The following HHAT variants were observed in gnomAD, a reference collection of about 807,000 sequenced individuals.
HHAT encodes protein-cysteine N-palmitoyltransferase HHAT.
In HHAT, 47 loss-of-function variants were observed where a neutral mutation model predicts 70.8. That is an observed-to-expected ratio of 0.66 (90% CI 0.53 to 0.85). HHAT has a LOEUF of 0.85. HHAT is among the 40% of genes least tolerant of loss of function. The pLI is 0.00. For missense variants in HHAT, 609 were observed against 604.8 expected (o/e 1.01, Z -0.07); for synonymous variants, 228 against 247.6 (o/e 0.92, Z 0.74).
chr1:210,492,902 C>A (rs1234651560), intron 8 of HHAT, among the ~76,000 whole-genome samples: 2 of 152,050 alleles, frequency 1.3e-5, no homozygotes, highest in African/African-American at 2.4e-5. Flanking sequence ...GTTCAGATGC[C>A]AAATGTCTTA....
intron 4 of HHAT, among the ~76,000 whole-genome samples, chr1:210,397,556 ATT>A (rs5780574): frequency 0.13 from 19,495 of 149,298 alleles, 1,393 homozygotes; most frequent in Non-Finnish European, 0.17. Flanking sequence ...ATGCAACACA[ATT>A]TTTTTTTTTT....
intron 1 of HHAT, chr1:210,329,395 G>A (rs560817842): frequency 1.7e-6 from 2 of 1,143,350 alleles, no homozygotes. Flanking sequence ...CCCAGCTTCC[G>A]GAACTGCTGC....
At chr1:210,531,269 A>G (rs2095312058) in intron 9 of HHAT, among the ~76,000 whole-genome samples, 2 of 136,878 alleles carry the variant, frequency 1.5e-5, no homozygotes, top group South Asian at 4.6e-4. Context: ...TATGTAATGC[A>G]TGACTGTACA....
At chr1:210,428,563 C>T (rs2093148356) in intron 7 of HHAT, among the ~76,000 whole-genome samples, 1 of 149,758 alleles carries the variant, frequency 6.7e-6, no homozygotes, top group African/African-American at 2.5e-5. Context: ...TTTATGACAC[C>T]AGCTTGTTGA....
intron 9 of HHAT, among the ~76,000 whole-genome samples, chr1:210,550,151 C>T (rs1388210636): frequency 2.7e-5 from 4 of 149,262 alleles, no homozygotes; most frequent in Non-Finnish European, 5.9e-5. Context: ...TCACCTCTTC[C>T]CTAAAGCTGT....
At chr1:210,368,512 A>C (rs1558368766) in intron 3 of HHAT, among the ~76,000 whole-genome samples, 1 of 151,880 alleles carries the variant, frequency 6.6e-6, no homozygotes, top group East Asian at 1.9e-4. Context: ...GCTGGTCTTG[A>C]ACTCCTGGCC....
chr1:210,602,334 G>A (rs879347674), intron 10 of HHAT, among the ~76,000 whole-genome samples: 3 of 152,150 alleles, frequency 2.0e-5, no homozygotes, highest in Non-Finnish European at 4.4e-5. Flanking sequence ...GGCCCCTGAT[G>A]TTCATGGTGG....
intron 10 of HHAT, among the ~76,000 whole-genome samples, chr1:210,596,359 G>A (rs759863005): frequency 1.4e-4 from 21 of 152,118 alleles, no homozygotes; most frequent in South Asian, 4.1e-4. Flanking sequence ...TACTGATATC[G>A]TTCTCTAGTT....
At chr1:210,408,327 C>T (rs7550576) in intron 6 of HHAT, among the ~76,000 whole-genome samples, 17,270 of 152,004 alleles carry the variant, frequency 0.11, 1,250 homozygotes, top group East Asian at 0.25. Context: ...GAATTATAGG[C>T]GTGCACCAAC....
rs769025548 is a variant in HHAT at position 210,400,600 on chromosome 1, A to G, written c.406A>G (p.Thr136Ala). The G allele has an allele frequency of 4.3e-6, 7 of 1,613,892 alleles. No homozygotes were observed. Among genetic ancestry groups the G allele is most frequent in the Non-Finnish European group, 5.9e-6 (7 of 1,179,996 alleles). Residue 136 changes from threonine to alanine, a missense_variant, in exon 5 of 12, where the codon ACG (threonine) becomes GCG (alanine). Transcript: ENST00000261458. ...GGCCCAGTTCCGGTCTCAGCTCCTGACGTGGCTCTGTTCTCTCCTCCTCCT... is the reference window on the plus strand; with the variant it reads ...GGCCCAGTTCCGGTCTCAGCTCCTGGCGTGGCTCTGTTCTCTCCTCCTCCT... ...CVAQFRSQLL[T>A]WLCSLLLLST...
chr1:210,542,062 T>TGA (rs2095435961), intron 9 of HHAT, among the ~76,000 whole-genome samples: 1 of 152,212 alleles, frequency 6.6e-6, no homozygotes. Flanking sequence ...TCCTCTCCCT[T>TGA]GATGTCCCTT....
At chr1:210,545,426 CTTTTTTTTCCTTT>C (rs2095474718) in intron 9 of HHAT, among the ~76,000 whole-genome samples, 1 of 130,962 alleles carries the variant, frequency 7.6e-6, no homozygotes, top group African/African-American at 2.8e-5. Flanking sequence ...GTCATGACTT[CTTTTTTTTCCTTT>C]TTTTTTTTTT....
chr1:210,668,477 GT>G (rs1476357424), intron 11 of HHAT, among the ~76,000 whole-genome samples: 3 of 152,184 alleles, frequency 2.0e-5, no homozygotes, highest in Admixed American at 6.5e-5. Context: ...AGAACTGATG[GT>G]TTTATAAAGG....
At chr1:210,494,851 G>A (rs74597197) in intron 8 of HHAT, among the ~76,000 whole-genome samples, 18,257 of 151,958 alleles carry the variant, frequency 0.12, 1,424 homozygotes, top group South Asian at 0.24. Flanking sequence ...TGTGCCCGGC[G>A]TGAAATTGCT....
intron 7 of HHAT, among the ~76,000 whole-genome samples, chr1:210,453,064 A>G (rs2093787355): frequency 6.6e-6 from 1 of 152,228 alleles, no homozygotes; most frequent in Non-Finnish European, 1.5e-5. Flanking sequence ...AATGGTAATG[A>G]AATGCCAGCA....
At chr1:210,386,640 A>G (rs2091098365) in intron 3 of HHAT, among the ~76,000 whole-genome samples, 3 of 152,070 alleles carry the variant, frequency 2.0e-5, no homozygotes, top group Admixed American at 2.0e-4. Context: ...CCAAGCCTGC[A>G]TTGCCTGTTT....
At chr1:210,505,931 G>C (rs532936018) in intron 8 of HHAT, among the ~76,000 whole-genome samples, 11 of 152,176 alleles carry the variant, frequency 7.2e-5, no homozygotes, top group Admixed American at 2.6e-4. Flanking sequence ...ACCCAGCCGA[G>C]ATTAGTCTGG....
chr1:210,660,955 T>TA (rs1175992545), intron 11 of HHAT, among the ~76,000 whole-genome samples: 3 of 151,922 alleles, frequency 2.0e-5, no homozygotes, highest in African/African-American at 7.3e-5. Flanking sequence ...CCAAAACCAT[T>TA]AAAAAACCCT....
chr1:210,346,151 C>T (rs1016062909), intron 1 of HHAT, among the ~76,000 whole-genome samples: 4 of 151,772 alleles, frequency 2.6e-5, no homozygotes, highest in African/African-American at 4.8e-5. Context: ...ATCCTTAATG[C>T]AGGAGGATTG....
Sources: gnomAD v4.1 joint callset for allele counts (sites outside exome capture counted in the v4.1 genomes callset) on GRCh38, gnomAD v4.1.1 for gene constraint, MANE v1.5 for transcripts, NCBI Gene and HGNC (gene_info 2026-07-23, HGNC 2026-07-21) for gene names.